HECA: variants seen among roughly 807,000 people sequenced by gnomAD.
HECA encodes HECA ribonucleoprotein granule regulator, also known as headcase protein homolog.
A neutral mutation model predicts 37.6 loss-of-function variants in HECA; 13 were observed. That is an observed-to-expected ratio of 0.35 (90% CI 0.23 to 0.55). HECA has a LOEUF of 0.55. Ranked by LOEUF, HECA falls within the 20% of genes least tolerant of loss-of-function variation. The pLI, the probability that HECA is intolerant of heterozygous loss-of-function variation, is 0.90. For synonymous variants in HECA, 307 were observed against 291.5 expected (o/e 1.05, Z -0.54); for missense variants, 527 against 701.9 (o/e 0.75, Z 2.82).
At chr6:139,140,945 A>G (rs543226850) in intron 1 of HECA, among the ~76,000 whole-genome samples, 2 of 151,968 alleles carry the variant, frequency 1.3e-5, no homozygotes, top group South Asian at 2.1e-4. Context: ...CACCCGCCAC[A>G]ATGCCCGGCT....
intron 1 of HECA, among the ~76,000 whole-genome samples, chr6:139,137,155 TTTTG>T (rs1417876304): frequency 2.6e-5 from 4 of 152,234 alleles, no homozygotes; most frequent in Admixed American, 6.5e-5. Flanking sequence ...CTTCATGTTC[TTTTG>T]TTTTTCTCCT....
At chr6:139,159,462 T>TA (rs537253911) in intron 1 of HECA, among the ~76,000 whole-genome samples, 38 of 149,726 alleles carry the variant, frequency 2.5e-4, no homozygotes, top group South Asian at 1.3e-3. Flanking sequence ...TTTCCTCCTT[T>TA]AAAAAAAAAA....
At chr6:139,154,053 A>G (rs1044326421) in intron 1 of HECA, among the ~76,000 whole-genome samples, 8 of 152,356 alleles carry the variant, frequency 5.3e-5, no homozygotes, top group East Asian at 3.9e-4. Context: ...TGACTGAATC[A>G]TAATAAAAAC....
intron 2 of HECA, 26 bp from the exon 3 acceptor site, chr6:139,174,359 C>T: frequency 6.3e-7 from 1 of 1,595,284 alleles, no homozygotes; most frequent in East Asian, 2.3e-5. Context: ...GATGGCCACT[C>T]AGAGCCTTGT....
At chr6:139,149,204 G>A (rs537252149) in intron 1 of HECA, among the ~76,000 whole-genome samples, 2 of 152,222 alleles carry the variant, frequency 1.3e-5, no homozygotes, top group South Asian at 2.1e-4. Flanking sequence ...GAGCCTTTGT[G>A]CCTTCTCAGA....
rs774114464 is a variant in HECA, at chr6:139,167,220, G to A, written c.1208G>A (p.Arg403Gln). Residue 403 changes from arginine to glutamine, a missense_variant, in exon 2 of 4, where the codon CGG becomes CAG. Coordinates refer to ENST00000367658, the MANE Select transcript of HECA (RefSeq NM_016217.3). ...RNVVNCALCH[R>Q]ALPVFEQFPL... is the part of the protein sequence containing the mutation. ...GTGGTAAACTGTGCCCTGTGCCACC[G>A]GGCGCTCCCGGTGTTCGAACAGTTC... 6.8e-6 allele frequency: 11 copies of A among 1,614,036 alleles called. No individual in the cohort carries two copies. Among genetic ancestry groups the A allele is most frequent in the East Asian group, 2.2e-5 (1 of 44,878 alleles).
At chr6:139,159,953 G>T (rs1338546520) in intron 1 of HECA, among the ~76,000 whole-genome samples, 1 of 152,196 alleles carries the variant, frequency 6.6e-6, no homozygotes, top group Non-Finnish European at 1.5e-5. Flanking sequence ...CTCAGTGAAT[G>T]AGGTTGTCAG....
In HECA at chr6:139,166,666, G is replaced by A. The variant is rs775887767; in HGVS notation, c.654G>A (p.Ala218=). ...EKNTGRPPGE[A]AEEAKKCRPP... ...ACACAGGGAGGCCTCCTGGTGAGGC[G>A]GCGGAGGAGGCAAAAAAGTGCAGGC... Residue 218 remains alanine (A), a synonymous_variant, in exon 2 of 4, where the codon GCG becomes GCA. Coordinates refer to ENST00000367658, the MANE Select transcript of HECA (RefSeq NM_016217.3). The A allele has an allele frequency of 8.7e-6, 14 of 1,613,788 alleles. No individual in the cohort carries two copies. The Admixed American group carries it at 1.3e-4, about 15-fold the overall frequency.
intron 1 of HECA, among the ~76,000 whole-genome samples, chr6:139,136,994 A>G (rs1562241384): frequency 6.6e-6 from 1 of 152,216 alleles, no homozygotes; most frequent in Non-Finnish European, 1.5e-5. Flanking sequence ...TGCTCTGAAC[A>G]TAGGCGGCTG....
chr6:139,174,587 G>A (rs774012183), intron 3 of HECA, 48 bp downstream of exon 3: 25 of 1,585,272 alleles, frequency 1.6e-5, no homozygotes, highest in Non-Finnish European at 2.2e-5. Flanking sequence ...TTAGGCTTCT[G>A]TCCCCAAGTG....
intron 1 of HECA, among the ~76,000 whole-genome samples, chr6:139,148,024 C>T (rs1774606688): frequency 6.6e-6 from 1 of 152,118 alleles, no homozygotes; most frequent in Non-Finnish European, 1.5e-5. Flanking sequence ...ATCTCATTGT[C>T]ATAATATTTG....
intron 1 of HECA, among the ~76,000 whole-genome samples, chr6:139,139,759 G>A (rs868525838): frequency 6.6e-6 from 1 of 152,244 alleles, no homozygotes; most frequent in East Asian, 1.9e-4. Context: ...CAGGAAGAGA[G>A]CATGACCTTG....
chr6:139,166,904 T>G lies in HECA; in HGVS notation c.892T>G (p.Leu298Val). 1 of 1,614,066 alleles carries G rather than the reference T, an allele frequency of 6.2e-7. No homozygotes were observed. The highest frequency in any genetic ancestry group is 8.5e-7 in the Non-Finnish European group (1 of 1,179,998). The change falls in exon 2 of 4, where the codon TTA (leucine) becomes GTA (valine). Residue 298 changes from leucine to valine, a missense_variant. Around this residue, in one of 4 missense-constraint regions of HECA, gnomAD observed 228 missense variants for 259.8 expected, o/e 0.88. Transcript: ENST00000367658. ...PRSSRYLGEFLKNAIHLEPHK... is the reference protein window; with the variant it reads ...PRSSRYLGEFVKNAIHLEPHK... ...CTCCTCCAGATACCTCGGGGAGTTC[T>G]TAAAGAACGCCATCCATCTGGAGCC...
intron 2 of HECA, among the ~76,000 whole-genome samples, chr6:139,172,071 T>C (rs1367355331): frequency 2.0e-5 from 3 of 152,180 alleles, no homozygotes; most frequent in Non-Finnish European, 4.4e-5. Flanking sequence ...CCTCTGGTGA[T>C]CTACCCGCCT....
At chr6:139,151,137 A>G (rs1774645609) in intron 1 of HECA, 1 of 152,190 alleles carries the variant, frequency 6.6e-6, no homozygotes, top group Non-Finnish European at 1.5e-5. Flanking sequence ...GCCCCAGGCA[A>G]AAGCTTTGTC....
chr6:139,142,014 C>T (rs1356891834), intron 1 of HECA, among the ~76,000 whole-genome samples: 3 of 150,756 alleles, frequency 2.0e-5, no homozygotes, highest in African/African-American at 7.3e-5. Flanking sequence ...GCAAGCTCCA[C>T]CTCCTGGGTT....
chr6:139,143,214 A>G (rs1424734997), intron 1 of HECA, among the ~76,000 whole-genome samples: 1 of 152,174 alleles, frequency 6.6e-6, no homozygotes, highest in East Asian at 1.9e-4. Context: ...GCAATCCTTT[A>G]GGGTGTTTTT....
At position 139,176,907 on chromosome 6, in the gene HECA, G is replaced by T; in HGVS notation, c.1468-34G>T. The T allele has an allele frequency of 1.2e-6, 1 of 851,542 alleles. No individual in the cohort carries two copies. The allele number at this position is 851,542 out of a possible 1,614,324, so 52.7% of individuals were successfully genotyped here. A position where few individuals can be genotyped will look rare whatever the true frequency, so the allele number is the denominator to read the frequency against. On this transcript the variant is annotated intron_variant, in intron 3 of 3. Transcript: ENST00000367658. The surrounding 1 kb of genome is among the most constrained non-coding windows in gnomAD (Gnocchi z 4.5). ...CTTTGACAAGTGTTGGGAAGTGGAG[G>T]GGTGTTGTGGCTGATGGTGTCTGTT...
rs139790541 is a variant in HECA at position 139,166,892 on chromosome 6, C to T, written c.880C>T (p.Leu294Phe). Residue 294 changes from leucine (L) to phenylalanine (F), a missense_variant, in exon 2 of 4, where the codon CTC (leucine) becomes TTC (phenylalanine). This residue lies in a region of HECA where 228 missense variants were observed against 259.8 expected (regional missense o/e 0.88). Transcript: ENST00000367658. The stretch of plus-strand genomic sequence containing the variant: ...CAGCGGCCCCCGCTCCTCCAGATAC[C>T]TCGGGGAGTTCTTAAAGAACGCCAT... ...HFSGPRSSRY[L>F]GEFLKNAIHL... The T allele has an allele frequency of 6.2e-7, 1 of 1,613,936 alleles. No homozygotes were observed. The highest frequency in any genetic ancestry group is 1.3e-5 in the African/African-American group (1 of 74,946).
Sources: gnomAD v4.1 joint callset for allele counts (sites outside exome capture counted in the v4.1 genomes callset) on GRCh38, gnomAD v4.1.1 for gene constraint, gnomAD v4.1.1 regional missense constraint, Gnocchi (gnomAD v3.1) non-coding constraint, MANE v1.5 for transcripts, NCBI Gene and HGNC (gene_info 2026-07-23, HGNC 2026-07-21) for gene names.